GCFC2: variants seen among roughly 807,000 people sequenced by gnomAD.
GCFC2 encodes the protein intron Large complex component GCFC2.
Under a neutral mutation model 99.4 loss-of-function variants are expected in GCFC2, and 102 were observed. That is an observed-to-expected ratio of 1.03 (90% CI 0.87 to 1.21). The LOEUF is 1.21. Ranked by LOEUF, GCFC2 falls within the 50% of genes most tolerant of loss-of-function variation. The pLI is 0.00. For synonymous variants in GCFC2, 338 were observed against 316.8 expected, an observed-to-expected ratio of 1.07 and a Z score of -0.71; for missense variants, 973 against 920.9, an observed-to-expected ratio of 1.06 and a Z score of -0.73.
At chr2:75,689,946 A>G (rs1295091630) in intron 9 of GCFC2, 23 bp downstream of exon 9, 1 of 1,219,474 alleles carries the variant, frequency 8.2e-7, no homozygotes, top group African/African-American at 1.5e-5. Flanking sequence ...AAACCATGAT[A>G]TATTAGAAAC....
At position 75,692,114 on chromosome 2, in the gene GCFC2, A is replaced by G. The variant is rs772776745; in HGVS notation, c.1021-14T>C. On this transcript the variant is annotated splice_polypyrimidine_tract_variant and intron_variant, in intron 6 of 16. Transcript: ENST00000321027. ...GATGTTGATAATCTGAAATACACAT[A>G]TAAGTAACATTTTGCAGGTCATCGA... 5 of 1,330,780 alleles carry G rather than the reference A, an allele frequency of 3.8e-6. No individual in the cohort carries two copies. The highest frequency in any genetic ancestry group is 2.8e-5 in the East Asian group (1 of 36,318). The allele number at this position is 1,330,780 out of a possible 1,614,324, so 82.4% of individuals were successfully genotyped here.
chr2:75,668,006 A>C (rs991178692), intron 15 of GCFC2, among the ~76,000 whole-genome samples: 4 of 152,226 alleles, frequency 2.6e-5, no homozygotes, highest in African/African-American at 9.6e-5. Context: ...AATTTCCACT[A>C]ACCCTTTTCT....
intron 1 of GCFC2, chr2:75,710,367 G>C (rs781774910): frequency 3.2e-4 from 350 of 1,089,908 alleles, no homozygotes; most frequent in Middle Eastern, 1.9e-3. Context: ...GTACACGATT[G>C]TTTTATTTCC....
intron 12 of GCFC2, among the ~76,000 whole-genome samples, chr2:75,674,866 GTTAAAAA>G (rs1679272924): frequency 6.6e-6 from 1 of 151,714 alleles, no homozygotes; most frequent in African/African-American, 2.4e-5. Flanking sequence ...TTTATTTAAT[GTTAAAAA>G]TTAAAACTCA....
At chr2:75,693,781 C>A (rs991646039) in intron 6 of GCFC2, among the ~76,000 whole-genome samples, 1 of 151,696 alleles carries the variant, frequency 6.6e-6, no homozygotes, top group African/African-American at 2.4e-5. Flanking sequence ...GATAAAAGGG[C>A]AAAGACAAGA....
chr2:75,710,446 T>G, intron 1 of GCFC2, 145 bp downstream of exon 1: 2 of 1,370,872 alleles, frequency 1.5e-6, no homozygotes, highest in Admixed American at 3.7e-5. Flanking sequence ...CTCACTACCT[T>G]CTGGATAAGT....
At chr2:75,665,907 G>A (rs759094313) in intron 16 of GCFC2, 22 bp downstream of exon 16, 2 of 1,513,386 alleles carry the variant, frequency 1.3e-6, no homozygotes, top group South Asian at 1.2e-5. Flanking sequence ...CTTTATAGAA[G>A]TGAAAATAAA....
chr2:75,706,986 A>C (rs1007765199), intron 1 of GCFC2, among the ~76,000 whole-genome samples: 1 of 152,224 alleles, frequency 6.6e-6, no homozygotes, highest in African/African-American at 2.4e-5. Context: ...TAGAAAAGAA[A>C]AATATTTAAT....
chr2:75,694,449 T>C (rs1460202666), intron 5 of GCFC2, 22 bp from the exon 6 acceptor site: 10 of 1,033,496 alleles, frequency 9.7e-6, no homozygotes, highest in African/African-American at 1.7e-5. Flanking sequence ...AAATAAAAAT[T>C]AGTTTATTTT....
At chr2:75,666,139 G>A (rs1678827112) in intron 15 of GCFC2, 86 bp from the exon 16 acceptor site, 1 of 932,298 alleles carries the variant, frequency 1.1e-6, no homozygotes, top group South Asian at 2.0e-5. Context: ...ACTGTAAGCT[G>A]AGTATCATTC....
At position 75,663,528 on chromosome 2, in the gene GCFC2, A is replaced by C. The variant is rs547875667; in HGVS notation, c.*1138T>G. 6.6e-6 allele frequency: 1 copy of C among 152,294 alleles called. No individual in the cohort carries two copies. The highest frequency in any genetic ancestry group is 6.5e-5 in the Admixed American group (1 of 15,274). 9.4% of individuals were successfully genotyped at this position (152,294 alleles called of 1,614,324 possible). On this transcript the variant is annotated 3_prime_UTR_variant, in exon 17 of 17. Transcript: ENST00000321027. ...AAAAAAACAAAATAGTAACTTGCTA[A>C]TAAGTAATGACTTAATGCTTCAAAA...
intron 4 of GCFC2, chr2:75,697,997 GCCA>G (rs1354193698): frequency 9.9e-5 from 15 of 152,170 alleles, no homozygotes; most frequent in Non-Finnish European, 1.3e-4. Flanking sequence ...ATTGTTTTAA[GCCA>G]CCAAGTCTGC....
intron 15 of GCFC2, among the ~76,000 whole-genome samples, chr2:75,668,986 G>A (rs369601795): frequency 7.2e-5 from 11 of 152,136 alleles, no homozygotes; most frequent in East Asian, 3.9e-4. Flanking sequence ...ACTGGAAATC[G>A]TAAGTAAAAT....
intron 1 of GCFC2, 141 bp downstream of exon 1, chr2:75,710,450 G>T: frequency 7.3e-7 from 1 of 1,375,172 alleles, no homozygotes; most frequent in Non-Finnish European, 9.3e-7. Context: ...CTACCTTCTG[G>T]ATAAGTCTTT....
chr2:75,704,834 C>T (rs1468179099), intron 2 of GCFC2, among the ~76,000 whole-genome samples: 1 of 152,052 alleles, frequency 6.6e-6, no homozygotes, highest in South Asian at 2.1e-4. Flanking sequence ...TGCCACCATG[C>T]CTGGCTAATT....
chr2:75,672,141 ATTGT>A (rs1049318094), intron 13 of GCFC2, 125 bp from the exon 14 acceptor site: 136 of 209,616 alleles, frequency 6.5e-4, no homozygotes, highest in African/African-American at 3.1e-3. Flanking sequence ...ATAAATAGAG[ATTGT>A]TTATTTTATT....
intron 7 of GCFC2, among the ~76,000 whole-genome samples, chr2:75,691,660 T>G (rs1346354438): frequency 6.6e-6 from 1 of 152,222 alleles, no homozygotes; most frequent in African/African-American, 2.4e-5. Flanking sequence ...AAAAGGGCTC[T>G]GAAACTATGA....
At position 75,702,488 on chromosome 2, in the gene GCFC2, T is replaced by G. The variant is rs149034375; in HGVS notation, c.395-65A>C. 7.5e-5 allele frequency: 99 copies of G among 1,313,190 alleles called. No homozygotes were observed. In the African/African-American group the frequency reaches 1.3e-3, roughly 17 times the overall value. The allele number at this position is 1,313,190 out of a possible 1,614,324, so 81.3% of individuals were successfully genotyped here. On this transcript the variant is annotated intron_variant, in intron 2 of 16. Coordinates refer to ENST00000321027, the MANE Select transcript of GCFC2 (RefSeq NM_003203.5). ...CAATGTAAGTAAATATTCCTCACAT[T>G]TAAGAAAAAGAAAAAAGCACCATTT...
chr2:75,684,306 G>C (rs1048649258), intron 11 of GCFC2, among the ~76,000 whole-genome samples: 6 of 152,140 alleles, frequency 3.9e-5, no homozygotes, highest in Non-Finnish European at 8.8e-5. Flanking sequence ...AATCAAATTA[G>C]AACTCAAGAT....
Sources: allele counts gnomAD v4.1 joint callset (sites outside exome capture counted in the v4.1 genomes callset), GRCh38; gene constraint gnomAD v4.1.1; transcripts MANE v1.5; gene names NCBI Gene and HGNC (gene_info 2026-07-23, HGNC 2026-07-21).